COL2A1: variants seen among roughly 807,000 people sequenced by gnomAD.
COL2A1 encodes the protein collagen type II alpha 1 chain, also known as collagen alpha-1(II) chain.
COL2A1 carries 28 observed loss-of-function variants against 204.5 expected under a neutral mutation model. The ratio of observed to expected loss-of-function variants is 0.14; its 90% confidence interval spans 0.10 to 0.19. The LOEUF is 0.19. COL2A1 is among the 10% of genes least tolerant of loss of function. The probability of loss-of-function intolerance (pLI) is 1.00; values close to 1 mark genes in which losing one functional copy is unlikely to be tolerated. For missense variants in COL2A1, 1,388 were observed against 2,027.5 expected, an observed-to-expected ratio of 0.68 and a Z score of 6.06; for synonymous variants, 708 against 718.7, an observed-to-expected ratio of 0.99 and a Z score of 0.24.
At position 47,987,734 on chromosome 12, in the gene COL2A1, A is replaced by C. The variant is rs1458777026; in HGVS notation, c.1123-25T>G. ...CCTGGGAAGAGACAGGGAGGATGAA[A>C]TGAAGAAGAAGAGAGGGGACACAGA... On this transcript the variant is annotated intron_variant, in intron 18 of 53. Coordinates refer to ENST00000380518, the MANE Select transcript of COL2A1 (RefSeq NM_001844.5). The surrounding 1 kb of genome is among the most constrained non-coding windows in gnomAD (Gnocchi z 4.1). 4 of 1,577,118 alleles carry C rather than the reference A, an allele frequency of 2.5e-6. No homozygotes were observed. The Admixed American group carries it at 5.1e-5, about 20-fold the overall frequency.
Position 47,977,587 on chromosome 12 carries a change from A to T in COL2A1, c.3165+13T>A. On this transcript the variant is annotated intron_variant, in intron 45 of 53. Transcript: ENST00000380518. ...TCCCCAACCCACTGCACACACAGACACCAGACACTCACCTTGACTCCAGCA... is the reference window on the plus strand; with the variant it reads ...TCCCCAACCCACTGCACACACAGACTCCAGACACTCACCTTGACTCCAGCA... 8 of 1,613,970 alleles carry T rather than the reference A, an allele frequency of 5.0e-6. No individual in the cohort carries two copies. The highest frequency in any genetic ancestry group is 6.8e-6 in the Non-Finnish European group (8 of 1,179,960).
intron 18 of COL2A1, 128 bp downstream of exon 18, chr12:47,989,100 G>T: frequency 1.3e-6 from 1 of 776,562 alleles, no homozygotes; most frequent in Non-Finnish European, 2.2e-6. Flanking sequence ...GGGCCAGTGG[G>T]TGGGGTGGTG....
chr12:48,000,172 G>T (rs372890374), intron 1 of COL2A1, 47 bp from the exon 2 acceptor site: 31 of 1,336,950 alleles, frequency 2.3e-5, no homozygotes, highest in Non-Finnish European at 2.9e-5. Context: ...AGGGAAGGAG[G>T]GGGTGGGGAG....
chr12:47,999,655 T>TTTTTG, intron 2 of COL2A1: 1 of 185,846 alleles, frequency 5.4e-6, no homozygotes. Flanking sequence ...TTTTTTTTTG[T>TTTTTG]AGAATCACAT....
chr12:47,994,104 C>T (rs1939833514), intron 12 of COL2A1, 57 bp from the exon 13 acceptor site: 8 of 1,599,552 alleles, frequency 5.0e-6, no homozygotes, highest in Non-Finnish European at 6.9e-6. Flanking sequence ...TGGAAAGCTG[C>T]CCTGGGCTGC....
In COL2A1 at chr12:47,980,573, G is replaced by C; in HGVS notation, c.2606C>G (p.Ser869Cys). ...DAGAPGPQGP[S>C]GAPGPQGPTG... Reference sequence around the variant, plus strand: ...ACCCACCTGAGGCCCAGGTGCTCCAGAGGGGCCCTGAGGACCAGGGGCACC... The same window carrying C: ...ACCCACCTGAGGCCCAGGTGCTCCACAGGGGCCCTGAGGACCAGGGGCACC... Residue 869 changes from serine to cysteine, a missense_variant, in exon 39 of 54, where the codon TCT (serine) becomes TGT (cysteine). Ser to Cys is a moderately radical substitution (Grantham distance 112). Transcript: ENST00000380518. This position sits in a 1 kb window ranked among gnomAD's most constrained non-coding sequence, Gnocchi z 4.5. 1 of 1,611,172 alleles carries C rather than the reference G, an allele frequency of 6.2e-7. No individual in the cohort carries two copies. The highest frequency in any genetic ancestry group is 8.5e-7 in the Non-Finnish European group (1 of 1,178,946).
chr12:47,995,080 A>G (rs1251050941), intron 11 of COL2A1, among the ~76,000 whole-genome samples, 175 bp downstream of exon 11: 1 of 152,128 alleles, frequency 6.6e-6, no homozygotes, highest in African/African-American at 2.4e-5. Flanking sequence ...GGAACTTGCC[A>G]GCACAGTCAC....
rs1469723622 is a variant in COL2A1 at position 47,973,636 on chromosome 12, A to G, written c.4318-83T>C. 7.2e-6 allele frequency: 11 copies of G among 1,536,582 alleles called. No individual in the cohort carries two copies. The East Asian group carries it at 2.5e-4, about 35-fold the overall frequency. ...GCTGCCCAGAAGCCCAAAACTGAACAAACTGGCGAGCATCAGAGCCCACAA... is the reference window on the plus strand; with the variant it reads ...GCTGCCCAGAAGCCCAAAACTGAACGAACTGGCGAGCATCAGAGCCCACAA... On this transcript the variant is annotated intron_variant, in intron 53 of 53. Coordinates refer to ENST00000380518, the MANE Select transcript of COL2A1 (RefSeq NM_001844.5).
chr12:47,974,452 G>A, intron 52 of COL2A1, 121 bp from the exon 53 acceptor site: 1 of 1,405,568 alleles, frequency 7.1e-7, no homozygotes, highest in South Asian at 1.3e-5. Context: ...GCAGCAGGGA[G>A]CTAGTTGGAC....
At chr12:47,998,768 C>A in intron 2 of COL2A1, 1 of 298,906 alleles carries the variant, frequency 3.3e-6, no homozygotes, top group Non-Finnish European at 6.2e-6. Flanking sequence ...TTCAGTCTCT[C>A]TTCCCCCCAC....
intron 15 of COL2A1, 33 bp from the exon 16 acceptor site, chr12:47,992,964 G>T: frequency 6.2e-7 from 1 of 1,611,694 alleles, no homozygotes; most frequent in Non-Finnish European, 8.5e-7. Context: ...CTAAGCATGA[G>T]TTGGCTTTAC....
rs781636320 is a variant in COL2A1 at position 47,985,747 on chromosome 12, G to A, written c.1661C>T (p.Pro554Leu). 8.1e-6 allele frequency: 13 copies of A among 1,613,878 alleles called. No homozygotes were observed. The highest frequency in any genetic ancestry group is 1.1e-5 in the Non-Finnish European group (13 of 1,179,964). Residue 554 changes from proline (P) to leucine (L), a missense_variant, in exon 25 of 54, where the codon CCT (proline) becomes CTT (leucine). Coordinates refer to ENST00000380518, the MANE Select transcript of COL2A1 (RefSeq NM_001844.5). ...ANGDPGRPGE[P>L]GLPGARGLTG... The stretch of plus-strand genomic sequence containing the variant: ...ACTTACCCGGGCTCCAGGAAGGCCA[G>A]GTTCTCCAGGACGGCCAGGGTCACC...
Position 47,983,118 on chromosome 12 carries a change from C to G in COL2A1, c.2069G>C (p.Gly690Ala). The G allele has an allele frequency of 6.2e-7, 1 of 1,613,828 alleles. No individual in the cohort carries two copies. The highest frequency in any genetic ancestry group is 8.5e-7 in the Non-Finnish European group (1 of 1,179,866). Residue 690 changes from glycine (G) to alanine (A), a missense_variant, in exon 32 of 54, where the codon GGA becomes GCA. Physicochemically the swap from Gly to Ala is moderately conservative, Grantham distance 60. Coordinates refer to ENST00000380518, the MANE Select transcript of COL2A1 (RefSeq NM_001844.5). Reference sequence around the variant, plus strand: ...CCTGGGACCCACGAGGCCAGGGGCTCCAGCTTCACCGGGAACACCCTGGAG... The same window carrying G: ...CCTGGGACCCACGAGGCCAGGGGCTGCAGCTTCACCGGGAACACCCTGGAG... ...PGDQGVPGEA[G>A]APGLVGPRGE...
chr12:47,997,468 C>A, intron 7 of COL2A1, 138 bp downstream of exon 7: 1 of 1,490,980 alleles, frequency 6.7e-7, no homozygotes, highest in East Asian at 2.3e-5. Flanking sequence ...AAATTACAGG[C>A]CTGAGGGCAA....
In COL2A1 at chr12:47,978,575, A is replaced by G; in HGVS notation, c.2895+22T>C. On this transcript the variant is annotated intron_variant, in intron 42 of 53. Transcript: ENST00000380518. This position sits in a 1 kb window ranked among gnomAD's most constrained non-coding sequence, Gnocchi z 5.5. The stretch of plus-strand genomic sequence containing the variant: ...CGACCCTGCTCCCAGGGACCTTGGC[A>G]TGGGCCTGGTGAGGGACTTACAGAG... 1 of 1,613,358 alleles carries G rather than the reference A, an allele frequency of 6.2e-7. No individual in the cohort carries two copies.
At chr12:47,981,685 G>A in intron 36 of COL2A1, 91 bp downstream of exon 36, 1 of 1,379,520 alleles carries the variant, frequency 7.2e-7, no homozygotes, top group Non-Finnish European at 1.0e-6. Flanking sequence ...ACAGTGGTGA[G>A]GGAGGACAAG....
intron 16 of COL2A1, 151 bp downstream of exon 16, chr12:47,992,727 G>A: frequency 1.3e-6 from 1 of 792,186 alleles, no homozygotes. Context: ...ACTCAGCCTG[G>A]GAAGTTTTGA....
chr12:47,984,811 G>A (rs1369766422), intron 27 of COL2A1, among the ~76,000 whole-genome samples, 184 bp downstream of exon 27: 1 of 152,184 alleles, frequency 6.6e-6, no homozygotes, highest in Non-Finnish European at 1.5e-5. Context: ...AATGCCCCGA[G>A]GCTCTGTGGG....
chr12:47,977,835 C>T (rs1286247395), intron 44 of COL2A1, among the ~76,000 whole-genome samples, 175 bp downstream of exon 44: 1 of 152,194 alleles, frequency 6.6e-6, no homozygotes, highest in Non-Finnish European at 1.5e-5. Context: ...GGTCTCTATG[C>T]CCGTCTCTCT....
Sources: allele counts gnomAD v4.1 joint callset (sites outside exome capture counted in the v4.1 genomes callset), GRCh38; gene constraint gnomAD v4.1.1; non-coding constraint Gnocchi (gnomAD v3.1); transcripts MANE v1.5; gene names NCBI Gene and HGNC (gene_info 2026-07-23, HGNC 2026-07-21).